The following UBE2E2 variants were observed in gnomAD, a reference collection of about 807,000 sequenced individuals.
UBE2E2 encodes ubiquitin-conjugating enzyme E2 E2.
In UBE2E2, 6 loss-of-function variants were observed where a neutral mutation model predicts 24.7. The ratio of observed to expected loss-of-function variants is 0.24; its 90% confidence interval spans 0.13 to 0.48. The LOEUF (loss-of-function observed/expected upper bound fraction) is 0.48. UBE2E2 is among the 20% of genes least tolerant of loss of function. UBE2E2 has a pLI of 0.99. For missense variants in UBE2E2, 169 were observed against 245.0 expected (o/e 0.69, Z 2.07); for synonymous variants, 104 against 83.6 (o/e 1.24, Z -1.33).
rs902789594 is a variant in UBE2E2, at chr3:23,482,669, T to A, written c.228-16939T>A. 6.1e-4 allele frequency among the ~76,000 whole-genome samples: 93 copies of A among 152,286 alleles called. 1 individual carries two copies. The highest frequency in any genetic ancestry group is 2.1e-3 in the African/African-American group (88 of 41,548). On this transcript the variant is annotated intron_variant, in intron 3 of 5. Transcript: ENST00000396703. ...ATTGACAGCCTGGATTATTATTATTTTTTTTTAACACAAAGCCTAATTCTT... is the reference window on the plus strand; with the variant it reads ...ATTGACAGCCTGGATTATTATTATTATTTTTTAACACAAAGCCTAATTCTT...
At chr3:23,518,608 A>G (rs539760324) in intron 4 of UBE2E2, among the ~76,000 whole-genome samples, 41 of 152,202 alleles carry the variant, frequency 2.7e-4, no homozygotes, top group Non-Finnish European at 5.4e-4. Flanking sequence ...CTCTTCTCAT[A>G]TATTTGCTGC....
In UBE2E2 at chr3:23,589,596, G is replaced by A; in HGVS notation, c.509-138G>A. 1 of 760,150 alleles carries A rather than the reference G, an allele frequency of 1.3e-6. No homozygotes were observed. Among genetic ancestry groups the A allele is most frequent in the Non-Finnish European group, 2.2e-6 (1 of 460,912 alleles). 47.1% of individuals were successfully genotyped at this position (760,150 alleles called of 1,614,324 possible). On this transcript the variant is annotated intron_variant, in intron 5 of 5. Coordinates refer to ENST00000396703, the MANE Select transcript of UBE2E2 (RefSeq NM_152653.4). This position sits in a 1 kb window ranked among gnomAD's most constrained non-coding sequence, Gnocchi z 4.1. ...GTAGTCTGTCAGCAGCAGGTGACTG[G>A]CTCAGCCGCAGCAATGGTGGTCCAG...
chr3:23,444,870 C>G (rs1038452438), intron 3 of UBE2E2, among the ~76,000 whole-genome samples: 13 of 152,108 alleles, frequency 8.5e-5, no homozygotes, highest in African/African-American at 1.2e-4. Context: ...GTTGATAGAT[C>G]AGTTATTTTA....
chr3:23,388,653 T>G (rs1433388146), intron 3 of UBE2E2, among the ~76,000 whole-genome samples: 1 of 152,196 alleles, frequency 6.6e-6, no homozygotes, highest in Non-Finnish European at 1.5e-5. Flanking sequence ...GACATCAGCT[T>G]CCATTCCATT....
intron 3 of UBE2E2, among the ~76,000 whole-genome samples, chr3:23,221,738 G>A (rs1696650386): frequency 6.6e-6 from 1 of 152,032 alleles, no homozygotes; most frequent in South Asian, 2.1e-4. Context: ...CTGGATTCAA[G>A]CGATTCTCCT....
chr3:23,558,563 A>G (rs1695845193), intron 5 of UBE2E2, among the ~76,000 whole-genome samples: 1 of 108,792 alleles, frequency 9.2e-6, no homozygotes, highest in Admixed American at 8.1e-5. Context: ...TTTTTCTGAA[A>G]TAAAGACTCT....
Position 23,445,311 on chromosome 3 carries a change from G to T in UBE2E2, c.228-54297G>T, listed in dbSNP as rs139496350. Among the ~76,000 whole-genome samples, 458 of 152,250 alleles carry T rather than the reference G, an allele frequency of 3.0e-3. 3 individuals are homozygous for T. The highest frequency in any genetic ancestry group is 0.011 in the African/African-American group (447 of 41,552). On this transcript the variant is annotated intron_variant, in intron 3 of 5. Transcript: ENST00000396703. ...TGGTAGATACCTCCTGGTAGTTATT[G>T]TGAGACACACAAATGCCCCTGATTT...
intron 5 of UBE2E2, among the ~76,000 whole-genome samples, chr3:23,556,677 T>C (rs73045642): frequency 0.14 from 21,777 of 152,090 alleles, 1,633 homozygotes; most frequent in Middle Eastern, 0.2. Context: ...TACAAACTTA[T>C]GGTTTAGAAT....
chr3:23,354,311 G>A (rs374224497), intron 3 of UBE2E2, among the ~76,000 whole-genome samples: 3 of 152,054 alleles, frequency 2.0e-5, no homozygotes, highest in Middle Eastern at 3.2e-3. Context: ...CATTACCATT[G>A]AGGACATAGG....
intron 3 of UBE2E2, among the ~76,000 whole-genome samples, chr3:23,354,350 C>A (rs1254050493): frequency 2.6e-5 from 4 of 152,124 alleles, no homozygotes; most frequent in African/African-American, 9.7e-5. Context: ...GTCTAAAACA[C>A]CAAAAGCAAT....
intron 3 of UBE2E2, among the ~76,000 whole-genome samples, chr3:23,224,600 A>G (rs971360207): frequency 1.3e-5 from 2 of 151,926 alleles, no homozygotes; most frequent in Admixed American, 1.3e-4. Context: ...TCTGGGAACA[A>G]GGCTGATTTG....
chr3:23,350,664 A>C (rs1391781483), intron 3 of UBE2E2, among the ~76,000 whole-genome samples: 1 of 152,206 alleles, frequency 6.6e-6, no homozygotes, highest in Non-Finnish European at 1.5e-5. Context: ...AATGAAATGA[A>C]GCAAGAAGGG....
At chr3:23,206,968 C>T (rs1449335093) in intron 1 of UBE2E2, among the ~76,000 whole-genome samples, 1 of 152,092 alleles carries the variant, frequency 6.6e-6, no homozygotes, top group Non-Finnish European at 1.5e-5. Context: ...GGAATTTGTT[C>T]AGTGTACCTA....
intron 5 of UBE2E2, among the ~76,000 whole-genome samples, chr3:23,559,431 A>G (rs547794461): frequency 6.6e-6 from 1 of 152,278 alleles, no homozygotes; most frequent in South Asian, 2.1e-4. Context: ...TCTATCAGAA[A>G]GACTATACTA....
rs1696218039 is a variant in UBE2E2, at chr3:23,571,280, C to CTTTCTTTTTTTTTTTTTTT, written c.509-18451_509-18450insCTTTTTTTTTTTTTTTTTT. ...AGTCCCCTCACCTGTGTGCTCCTTTCTTTTTTTTTTTTTTTTTTTTTTTTT... is the reference window on the plus strand; with the variant it reads ...AGTCCCCTCACCTGTGTGCTCCTTTCTTTCTTTTTTTTTTTTTTTTTTTTTTTTTTTTTTTTTTTTTTTT... On this transcript the variant is annotated intron_variant, in intron 5 of 5. Transcript: ENST00000396703. 8.4e-4 allele frequency among the ~76,000 whole-genome samples: 25 copies of CTTTCTTTTTTTTTTTTTTT among 29,890 alleles called. 1 individual carries two copies. Among genetic ancestry groups the CTTTCTTTTTTTTTTTTTTT allele is most frequent in the African/African-American group, 2.1e-3 (20 of 9,728 alleles). The allele number at this position is 29,890 out of a possible 152,430, so 19.6% of individuals were successfully genotyped here.
chr3:23,282,418 C>T (rs947125870), intron 3 of UBE2E2, among the ~76,000 whole-genome samples: 5 of 152,148 alleles, frequency 3.3e-5, no homozygotes, highest in African/African-American at 1.2e-4. Context: ...TTGCTCTTCT[C>T]TCAGCAGATT....
chr3:23,520,506 T>A (rs76331915), intron 4 of UBE2E2, among the ~76,000 whole-genome samples: 4,453 of 152,344 alleles, frequency 0.029, 111 homozygotes, highest in East Asian at 0.13. Flanking sequence ...TTATAGTATT[T>A]GTGAATACTC....
At chr3:23,382,900 T>A (rs1465585473) in intron 3 of UBE2E2, among the ~76,000 whole-genome samples, 1 of 152,190 alleles carries the variant, frequency 6.6e-6, no homozygotes, top group Non-Finnish European at 1.5e-5. Flanking sequence ...GGTTAGTTTT[T>A]TTTTTGTACC....
intron 3 of UBE2E2, among the ~76,000 whole-genome samples, chr3:23,426,938 T>G (rs1697940760): frequency 6.6e-6 from 1 of 152,080 alleles, no homozygotes; most frequent in African/African-American, 2.4e-5. Context: ...ATATATATAC[T>G]TATCTAAAAG....
Sources: gnomAD v4.1 joint callset for allele counts (sites outside exome capture counted in the v4.1 genomes callset) on GRCh38, gnomAD v4.1.1 for gene constraint, Gnocchi (gnomAD v3.1) non-coding constraint, MANE v1.5 for transcripts, NCBI Gene and HGNC (gene_info 2026-07-23, HGNC 2026-07-21) for gene names.